The following CUBN variants were observed in gnomAD, a reference collection of about 807,000 sequenced individuals.
CUBN encodes the protein cubilin, also known as 460 kDa receptor.
In CUBN, 282 loss-of-function variants were observed where a neutral mutation model predicts 405.3. The ratio of observed to expected loss-of-function variants is 0.70; its 90% CI spans 0.63 to 0.77. The LOEUF is 0.77. Among genes scored for constraint, CUBN ranks in the 30% least tolerant of loss-of-function variants. CUBN has a pLI of 0.00. For missense variants in CUBN, 4,514 were observed against 4,475.2 expected (o/e 1.01, Z -0.25); for synonymous variants, 1,684 against 1,617.0 (o/e 1.04, Z -0.99).
chr10:16,977,552 C>A (rs1326921064), intron 31 of CUBN, among the ~76,000 whole-genome samples: 2 of 152,176 alleles, frequency 1.3e-5, no homozygotes, highest in African/African-American at 4.8e-5. Context: ...CCACTGGGAG[C>A]TGTCTCCATC....
intron 34 of CUBN, among the ~76,000 whole-genome samples, chr10:16,949,231 C>T (rs1377650557): frequency 2.0e-5 from 3 of 152,156 alleles, no homozygotes; most frequent in Admixed American, 6.5e-5. Flanking sequence ...TGCTTACTAA[C>T]AAATGCTGTG....
At chr10:16,935,386 T>C (rs1842471918) in intron 39 of CUBN, among the ~76,000 whole-genome samples, 1 of 151,976 alleles carries the variant, frequency 6.6e-6, no homozygotes, top group South Asian at 2.1e-4. Flanking sequence ...CTCCTGGGCT[T>C]CAAGCAACCC....
chr10:17,029,509 C>T (rs375496929), intron 27 of CUBN, among the ~76,000 whole-genome samples: 2 of 152,320 alleles, frequency 1.3e-5, no homozygotes, highest in African/African-American at 4.8e-5. Flanking sequence ...ATCCAGGTAT[C>T]ATGCTTAGTA....
intron 14 of CUBN, among the ~76,000 whole-genome samples, chr10:17,093,986 G>A (rs1040350450): frequency 6.6e-6 from 1 of 151,994 alleles, no homozygotes; most frequent in East Asian, 1.9e-4. Context: ...GGAAAAAAGT[G>A]GCAATGCAAT....
chr10:16,908,224 T>C (rs1474864728), intron 48 of CUBN, among the ~76,000 whole-genome samples: 3 of 152,188 alleles, frequency 2.0e-5, no homozygotes, highest in East Asian at 3.9e-4. Context: ...TGGCTCACCG[T>C]ATCCTTCACT....
chr10:17,121,637 G>GTA (rs1837044242), intron 6 of CUBN, among the ~76,000 whole-genome samples: 2 of 151,934 alleles, frequency 1.3e-5, no homozygotes, highest in East Asian at 3.9e-4. Flanking sequence ...CATGGCACAT[G>GTA]TATACATAAG....
rs530865384 is a variant in CUBN, at chr10:16,973,176, T to C, written c.4695+9308A>G. On this transcript the variant is annotated intron_variant, in intron 31 of 66. Transcript: ENST00000377833. Reference sequence around the variant, plus strand: ...TCTTCACGCTCCAGGGACAACACTCTCATTTTTTATTCCCAAATGTGCGTG... The same window carrying C: ...TCTTCACGCTCCAGGGACAACACTCCCATTTTTTATTCCCAAATGTGCGTG... Among the ~76,000 whole-genome samples the C allele has an allele frequency of 2.0e-5, 3 of 152,296 alleles. No homozygotes were observed. The South Asian group carries it at 6.2e-4, about 32-fold the overall frequency.
chr10:16,983,670 G>C (rs1006364408), intron 30 of CUBN, among the ~76,000 whole-genome samples: 2 of 152,132 alleles, frequency 1.3e-5, no homozygotes, highest in African/African-American at 4.8e-5. Flanking sequence ...TATACAATAG[G>C]CAATTTATTT....
intron 56 of CUBN, among the ~76,000 whole-genome samples, chr10:16,880,063 T>C (rs1287825503): frequency 2.0e-5 from 3 of 152,120 alleles, no homozygotes; most frequent in Non-Finnish European, 4.4e-5. Context: ...GATGACATAA[T>C]TAAAATGCTG....
At position 16,851,312 on chromosome 10, in the gene CUBN, C is replaced by T. The variant is rs758898444; in HGVS notation, c.9586G>A (p.Val3196Ile). Residue 3196 changes from valine to isoleucine, a missense_variant, in exon 60 of 67, where the codon GTA becomes ATA. Val to Ile is a conservative substitution (Grantham distance 29). This residue lies in a region of CUBN where 1,186 missense variants were observed against 1,186.9 expected (regional missense o/e 1.00). Coordinates refer to ENST00000377833, the MANE Select transcript of CUBN (RefSeq NM_001081.4). The stretch of plus-strand genomic sequence containing the variant: ...AATGTATTGAAGGTGAGGTGAATTA[C>T]TTTGTTTACAGGTGCAATTATGATC... ...VWIIIAPVNK[V>I]IHLTFNTFAL... The T allele has an allele frequency of 6.8e-6, 11 of 1,614,042 alleles. No homozygotes were observed. The highest frequency in any genetic ancestry group is 2.7e-5 in the African/African-American group (2 of 74,932).
rs1046764018 is a variant in CUBN at position 16,988,426 on chromosome 10, A to G, written c.4350+1908T>C. Among the ~76,000 whole-genome samples the G allele has an allele frequency of 9.2e-5, 14 of 152,198 alleles. 1 individual carries two copies. The highest frequency in any genetic ancestry group is 2.6e-4 in the Admixed American group (4 of 15,272). On this transcript the variant is annotated intron_variant, in intron 29 of 66. Coordinates refer to ENST00000377833, the MANE Select transcript of CUBN (RefSeq NM_001081.4). The stretch of plus-strand genomic sequence containing the variant: ...TGAGATGGAGTCATGACTTGGCAAC[A>G]GTCCTTCCGTGAAGACTTTCCAGTT...
At chr10:16,956,693 T>G (rs979693064) in intron 31 of CUBN, among the ~76,000 whole-genome samples, 2 of 152,162 alleles carry the variant, frequency 1.3e-5, no homozygotes, top group Admixed American at 6.6e-5. Flanking sequence ...CAAAGGATAA[T>G]GAATACCTTC....
intron 6 of CUBN, among the ~76,000 whole-genome samples, chr10:17,116,400 T>C (rs1052492532): frequency 2.0e-5 from 3 of 152,150 alleles, no homozygotes; most frequent in African/African-American, 7.2e-5. Flanking sequence ...CCCAGAAGCC[T>C]AAGCCTATCC....
chr10:16,982,537 C>T lies in CUBN; in HGVS notation c.4642G>A (p.Val1548Ile). ...TCAAAGTCAGTGAAGTTCAAGAGAA[C>T]ACGATGATTTCTGTCAACCCGAATG... The part of the protein sequence containing the change: ...WVIRVDRNHR[V>I]LLNFTDFDLE... Residue 1548 changes from valine to isoleucine, a missense_variant, in exon 31 of 67, where the codon GTT (valine) becomes ATT (isoleucine). By Grantham distance (29) the Val-to-Ile change is conservative (BLOSUM62 3). This residue lies in a region of CUBN where 1,613 missense variants were observed against 1,542.8 expected (regional missense o/e 1.05). Coordinates refer to ENST00000377833, the MANE Select transcript of CUBN (RefSeq NM_001081.4). 6.2e-7 allele frequency: 1 copy of T among 1,613,846 alleles called. No homozygotes were observed. Among genetic ancestry groups the T allele is most frequent in the Non-Finnish European group, 8.5e-7 (1 of 1,179,806 alleles).
At chr10:17,043,714 G>A in intron 26 of CUBN, 113 bp downstream of exon 26, 2 of 1,441,034 alleles carry the variant, frequency 1.4e-6, no homozygotes, top group South Asian at 1.1e-5. Flanking sequence ...GCCCACTCTA[G>A]GCACTGAACA....
At position 16,972,035 on chromosome 10, in the gene CUBN, A is replaced by G; in HGVS notation, c.4695+10449T>C. 1.3e-5 allele frequency among the ~76,000 whole-genome samples: 2 copies of G among 152,134 alleles called. 1 individual carries two copies. The highest frequency in any genetic ancestry group is 2.9e-5 in the Non-Finnish European group (2 of 68,024). On this transcript the variant is annotated intron_variant, in intron 31 of 66. Transcript: ENST00000377833. ...TGTTGCAATCCTCACGCTCGTTGGC[A>G]TCCTGCATGGGATTTGATACCTTTG...
At chr10:16,861,166 T>A (rs1840001118) in intron 59 of CUBN, among the ~76,000 whole-genome samples, 1 of 130,276 alleles carries the variant, frequency 7.7e-6, no homozygotes, top group Non-Finnish European at 1.6e-5. Flanking sequence ...AATGAATGCC[T>A]TTTTTTTTTT....
chr10:16,900,949 A>G (rs912948575), intron 52 of CUBN, 99 bp from the exon 53 acceptor site: 1 of 910,854 alleles, frequency 1.1e-6, no homozygotes, highest in African/African-American at 1.7e-5. Flanking sequence ...TATTTTTATA[A>G]TTTGTATTTT....
At chr10:16,936,567 T>C (rs1842509418) in intron 39 of CUBN, among the ~76,000 whole-genome samples, 2 of 152,070 alleles carry the variant, frequency 1.3e-5, no homozygotes, top group Admixed American at 6.5e-5. Context: ...AAGTTCAGAG[T>C]TCGAATATTC....
Sources: allele counts gnomAD v4.1 joint callset (sites outside exome capture counted in the v4.1 genomes callset), GRCh38; gene constraint gnomAD v4.1.1; regional missense constraint gnomAD v4.1.1; transcripts MANE v1.5; gene names NCBI Gene and HGNC (gene_info 2026-07-23, HGNC 2026-07-21).